HDX: variants seen among roughly 807,000 people sequenced by gnomAD.
HDX encodes the protein chromosome X open reading frame 43.
Under a neutral mutation model 45.2 loss-of-function variants are expected in HDX, and 19 were observed. That is an observed-to-expected ratio of 0.42 (90% CI 0.29 to 0.62). The LOEUF (loss-of-function observed/expected upper bound fraction) is 0.62, where lower values mean the gene tolerates loss of function less well. Ranked by LOEUF, HDX falls within the 20% of genes least tolerant of loss-of-function variation. HDX has a pLI of 0.20. For missense variants in HDX, 532 were observed against 493.9 expected, an observed-to-expected ratio of 1.08 and a Z score of -0.73; for synonymous variants, 188 against 172.8, an observed-to-expected ratio of 1.09 and a Z score of -0.69.
At chrX:84,456,360 G>T (rs1218576475) in intron 4 of HDX, among the ~76,000 whole-genome samples, 1 of 110,713 alleles carries the variant, frequency 9.0e-6, no homozygotes, top group African/African-American at 3.3e-5. Context: ...AAACATCATG[G>T]AAACCTCAAA....
intron 6 of HDX, among the ~76,000 whole-genome samples, chrX:84,351,010 GCTATCTATCTATCTAT>G (rs199956764): frequency 1.5e-4 from 16 of 105,974 alleles, no homozygotes; most frequent in Middle Eastern, 9.7e-3. Flanking sequence ...ATTGATCCAG[GCTATCTATCTATCTAT>G]CTATCTATCT....
chrX:84,423,032 T>G (rs2039300815), intron 5 of HDX, among the ~76,000 whole-genome samples: 1 of 110,168 alleles, frequency 9.1e-6, no homozygotes, highest in Admixed American at 9.7e-5. Context: ...AAAATACAAA[T>G]AAATAAAATC....
chrX:84,500,338 G>T (rs1484240791), intron 1 of HDX: 1 of 110,355 alleles, frequency 9.1e-6, no homozygotes, highest in Non-Finnish European at 1.9e-5. Context: ...TATAGCTACA[G>T]CTATTTTGAT....
intron 5 of HDX, among the ~76,000 whole-genome samples, chrX:84,388,970 T>C (rs1008184798): frequency 8.0e-5 from 9 of 111,835 alleles, no homozygotes; most frequent in African/African-American, 2.9e-4. Context: ...AAGTTGAGTA[T>C]AGTCAGTTGG....
At chrX:84,459,168 C>T (rs867544886) in intron 4 of HDX, among the ~76,000 whole-genome samples, 21 of 111,516 alleles carry the variant, frequency 1.9e-4, no homozygotes, top group African/African-American at 5.9e-4. Context: ...AGAGGCTGGG[C>T]GTGGTGGCTC....
In HDX at chrX:84,352,718, C is replaced by T. The variant is rs756502559; in HGVS notation, c.1453-8261G>A. ...CAATTTCTCATTACATCCATCATAA[C>T]GTTGAAAATGGATTGCTATAATTCA... On this transcript the variant is annotated intron_variant, in intron 6 of 10. Transcript: ENST00000373177. Among the ~76,000 whole-genome samples, 6 of 111,783 alleles carry T rather than the reference C, an allele frequency of 5.4e-5. No homozygotes were observed. The South Asian group carries it at 1.9e-3, about 35-fold the overall frequency.
intron 5 of HDX, among the ~76,000 whole-genome samples, chrX:84,428,440 C>T (rs2039432690): frequency 9.0e-6 from 1 of 110,805 alleles, no homozygotes; most frequent in Non-Finnish European, 1.9e-5. Context: ...CATCCCTAGC[C>T]CCAGAAAACT....
intron 1 of HDX, among the ~76,000 whole-genome samples, chrX:84,491,594 A>T (rs1468589130): frequency 1.8e-5 from 2 of 111,547 alleles, no homozygotes; most frequent in Non-Finnish European, 3.8e-5. Flanking sequence ...CTTCGTTTAA[A>T]ATCAGATATT....
At chrX:84,338,523 C>T (rs1023647604) in intron 7 of HDX, among the ~76,000 whole-genome samples, 8 of 110,307 alleles carry the variant, frequency 7.3e-5, no homozygotes, top group African/African-American at 2.6e-4. Context: ...AATAGTAATC[C>T]TCATGTTGCA....
intron 1 of HDX, among the ~76,000 whole-genome samples, chrX:84,499,849 A>G (rs2041083081): frequency 8.9e-6 from 1 of 112,020 alleles, no homozygotes; most frequent in African/African-American, 3.2e-5. Flanking sequence ...CAACCAATAT[A>G]TAATAGCAAT....
intron 5 of HDX, among the ~76,000 whole-genome samples, chrX:84,425,437 C>T (rs1033952987): frequency 1.8e-5 from 2 of 111,406 alleles, no homozygotes; most frequent in East Asian, 2.8e-4. Context: ...AATTGAGCTA[C>T]CACATGATCC....
chrX:84,407,828 C>T (rs924290074), intron 5 of HDX, among the ~76,000 whole-genome samples: 4 of 111,242 alleles, frequency 3.6e-5, no homozygotes, highest in African/African-American at 9.8e-5. Context: ...GATTGTTGGC[C>T]GCGTGTCTGT....
At chrX:84,341,844 G>A (rs1017391430) in intron 7 of HDX, among the ~76,000 whole-genome samples, 4 of 108,909 alleles carry the variant, frequency 3.7e-5, no homozygotes, top group African/African-American at 1.0e-4. Flanking sequence ...GATCCTTTTC[G>A]CCTCAGCTTT....
intron 5 of HDX, among the ~76,000 whole-genome samples, chrX:84,393,756 T>G (rs1898403866): frequency 9.0e-6 from 1 of 110,760 alleles, no homozygotes; most frequent in African/African-American, 3.3e-5. Flanking sequence ...CTAAGTTGTA[T>G]GTGTCCAGGA....
chrX:84,415,034 A>T (rs146522984), intron 5 of HDX, among the ~76,000 whole-genome samples: 12,719 of 111,862 alleles, frequency 0.11, 630 homozygotes, highest in South Asian at 0.27. Context: ...GATTTAACAA[A>T]TTCTATTGAA....
chrX:84,472,202 T>G (rs2040466849), intron 3 of HDX, among the ~76,000 whole-genome samples: 1 of 111,078 alleles, frequency 9.0e-6, no homozygotes, highest in African/African-American at 3.3e-5. Flanking sequence ...CATTGCAAAT[T>G]TATGGCTTAC....
chrX:84,460,794 T>C (rs2040222173), intron 4 of HDX, among the ~76,000 whole-genome samples: 1 of 112,071 alleles, frequency 8.9e-6, no homozygotes. Context: ...TGGAAAAATC[T>C]AAACACTCTG....
intron 4 of HDX, among the ~76,000 whole-genome samples, chrX:84,444,491 A>G (rs1235408850): frequency 9.0e-6 from 1 of 110,979 alleles, no homozygotes. Context: ...TATAAGGCAC[A>G]CTACTGAAGA....
intron 2 of HDX, among the ~76,000 whole-genome samples, chrX:84,482,185 C>T (rs2148174065): frequency 9.0e-6 from 1 of 111,285 alleles, no homozygotes; most frequent in South Asian, 3.8e-4. Flanking sequence ...TATATGAGTC[C>T]AGGTATCTTT....
Sources: gnomAD v4.1 joint callset for allele counts (sites outside exome capture counted in the v4.1 genomes callset) on GRCh38, gnomAD v4.1.1 for gene constraint, MANE v1.5 for transcripts, NCBI Gene and HGNC (gene_info 2026-07-23, HGNC 2026-07-21) for gene names.